Variants in TEX10 observed in about 807,000 individuals in gnomAD.
The protein encoded by TEX10 is testis-expressed protein 10.
In TEX10, 24 loss-of-function variants were observed where a neutral mutation model predicts 104.4. That is an observed-to-expected ratio of 0.23 (90% CI 0.17 to 0.32). The LOEUF is 0.32. Among genes scored for constraint, TEX10 ranks in the 10% least tolerant of loss-of-function variants. The pLI is 1.00. For missense variants in TEX10, 921 were observed against 1,083.9 expected, an observed-to-expected ratio of 0.85 and a Z score of 2.11; for synonymous variants, 396 against 393.4, an observed-to-expected ratio of 1.01 and a Z score of -0.08.
intron 10 of TEX10, among the ~76,000 whole-genome samples, 152 bp downstream of exon 10, chr9:100,321,530 GA>G (rs1417107023): frequency 6.6e-6 from 1 of 152,004 alleles, no homozygotes; most frequent in East Asian, 1.9e-4. Context: ...ATATTCTTTC[GA>G]TTTCCAGTTA....
chr9:100,352,482 G>C, intron 1 of TEX10: 1 of 1,551,316 alleles, frequency 6.4e-7, no homozygotes, highest in Admixed American at 2.0e-5. Flanking sequence ...CCAGAGTCGG[G>C]GAAGTGGGGC....
intron 2 of TEX10, among the ~76,000 whole-genome samples, chr9:100,348,260 G>A (rs1835351344): frequency 6.6e-6 from 1 of 152,188 alleles, no homozygotes; most frequent in Non-Finnish European, 1.5e-5. Flanking sequence ...ATTGCCTAGG[G>A]CTGGAAGAAA....
chr9:100,333,387 C>G (rs769180237), intron 5 of TEX10, among the ~76,000 whole-genome samples: 1 of 152,206 alleles, frequency 6.6e-6, no homozygotes, highest in African/African-American at 2.4e-5. Flanking sequence ...TCTTCCTAAA[C>G]TAATCTATAG....
intron 1 of TEX10, among the ~76,000 whole-genome samples, chr9:100,351,519 C>G (rs1294811137): frequency 6.6e-6 from 1 of 152,048 alleles, no homozygotes. Flanking sequence ...TGAGCTTTTC[C>G]TACAATTTTA....
intron 11 of TEX10, among the ~76,000 whole-genome samples, chr9:100,314,266 T>G (rs1834356434): frequency 6.6e-6 from 1 of 152,006 alleles, no homozygotes; most frequent in Non-Finnish European, 1.5e-5. Context: ...TTTTGTATAT[T>G]TAGTAGAGAC....
chr9:100,352,490 G>C, intron 1 of TEX10: 1 of 1,551,174 alleles, frequency 6.4e-7, no homozygotes, highest in Non-Finnish European at 8.7e-7. Context: ...GGGGAAGTGG[G>C]GCCCGATTCA....
intron 11 of TEX10, among the ~76,000 whole-genome samples, chr9:100,315,287 T>G (rs1246652925): frequency 6.6e-6 from 1 of 152,164 alleles, no homozygotes; most frequent in African/African-American, 2.4e-5. Flanking sequence ...TAGTCTAAAG[T>G]TCAACTTAAG....
intron 11 of TEX10, among the ~76,000 whole-genome samples, chr9:100,318,257 T>C (rs1036631174): frequency 1.3e-5 from 2 of 152,232 alleles, no homozygotes; most frequent in Non-Finnish European, 2.9e-5. Context: ...ATGTGATATT[T>C]ACACACAATG....
chr9:100,330,419 C>T (rs1229198821), intron 5 of TEX10, among the ~76,000 whole-genome samples: 3 of 152,166 alleles, frequency 2.0e-5, no homozygotes, highest in Non-Finnish European at 4.4e-5. Flanking sequence ...GTGCTATTCA[C>T]ACAAAATGTA....
intron 3 of TEX10, 56 bp downstream of exon 3, chr9:100,346,638 A>G: frequency 6.7e-7 from 1 of 1,501,826 alleles, no homozygotes; most frequent in Non-Finnish European, 9.0e-7. Context: ...ATCAATGGTT[A>G]GCAGTTATAA....
At chr9:100,349,595 A>C (rs895162018) in intron 1 of TEX10, among the ~76,000 whole-genome samples, 1 of 152,214 alleles carries the variant, frequency 6.6e-6, no homozygotes, top group African/African-American at 2.4e-5. Flanking sequence ...ACGGTTTTGC[A>C]AAGTTTTTTG....
In TEX10 at chr9:100,348,840, G is replaced by C. The variant is rs574473843; in HGVS notation, c.180+344C>G. On this transcript the variant is annotated intron_variant, in intron 2 of 14. Transcript: ENST00000374902. Reference sequence around the variant, plus strand: ...GTAGGAGGATCACTTGAGCCCAGAAGGTCCTGGCTGCAGTGAGCCATGATA... The same window carrying C: ...GTAGGAGGATCACTTGAGCCCAGAACGTCCTGGCTGCAGTGAGCCATGATA... 6.6e-5 allele frequency among the ~76,000 whole-genome samples: 10 copies of C among 152,254 alleles called. 1 individual carries two copies. The South Asian group carries it at 2.1e-3, about 32-fold the overall frequency.
chr9:100,348,426 TCTCC>T (rs1835355491), intron 2 of TEX10, among the ~76,000 whole-genome samples: 2 of 152,220 alleles, frequency 1.3e-5, no homozygotes, highest in African/African-American at 2.4e-5. Flanking sequence ...GTAAATTATA[TCTCC>T]ATAAAGCTGT....
At chr9:100,323,115 C>T (rs935845588) in intron 9 of TEX10, among the ~76,000 whole-genome samples, 1 of 152,146 alleles carries the variant, frequency 6.6e-6, no homozygotes, top group Non-Finnish European at 1.5e-5. Flanking sequence ...TCAATGAAAA[C>T]AGGAAGCAAT....
At chr9:100,339,274 A>AAAAAAAAT (rs1835101688) in intron 5 of TEX10, among the ~76,000 whole-genome samples, 2 of 91,702 alleles carry the variant, frequency 2.2e-5, no homozygotes, top group Admixed American at 1.2e-4. Flanking sequence ...AAAAAAAAAA[A>AAAAAAAAT]GTATATATAT....
chr9:100,347,612 T>C (rs1372313821), intron 2 of TEX10, among the ~76,000 whole-genome samples: 2 of 152,180 alleles, frequency 1.3e-5, no homozygotes, highest in African/African-American at 2.4e-5. Context: ...TAATTTTCAG[T>C]TGGAATTTTC....
intron 1 of TEX10, 73 bp downstream of exon 1, chr9:100,352,698 CG>C: frequency 1.5e-6 from 2 of 1,306,614 alleles, no homozygotes; most frequent in East Asian, 3.5e-5. Context: ...GGCCGCGGAT[CG>C]GGGGGCGACG....
chr9:100,319,260 A>G (rs1465658611), intron 11 of TEX10, among the ~76,000 whole-genome samples: 2 of 152,116 alleles, frequency 1.3e-5, no homozygotes, highest in South Asian at 2.1e-4. Context: ...TCAGTAGTTA[A>G]TTAATTCAGA....
intron 5 of TEX10, among the ~76,000 whole-genome samples, chr9:100,331,531 G>C (rs1588178754): frequency 6.6e-6 from 1 of 152,196 alleles, no homozygotes; most frequent in Non-Finnish European, 1.5e-5. Flanking sequence ...AGTTAGTCTT[G>C]AGCAAGGGCA....
Sources: allele counts gnomAD v4.1 joint callset (sites outside exome capture counted in the v4.1 genomes callset), GRCh38; gene constraint gnomAD v4.1.1; transcripts MANE v1.5; gene names NCBI Gene and HGNC (gene_info 2026-07-23, HGNC 2026-07-21).